Variants in PTPRD observed in about 807,000 individuals in gnomAD.
PTPRD encodes receptor-type tyrosine-protein phosphatase delta.
PTPRD carries 34 observed loss-of-function variants against 214.5 expected under a neutral mutation model. The ratio of observed to expected loss-of-function variants is 0.16; its 90% CI spans 0.12 to 0.21. The LOEUF (loss-of-function observed/expected upper bound fraction) is 0.21. Among genes scored for constraint, PTPRD ranks in the 10% least tolerant of loss-of-function variants. PTPRD has a pLI of 1.00. For missense variants in PTPRD, 2,545 were observed against 2,398.7 expected (o/e 1.06, Z -1.27); for synonymous variants, 1,128 against 845.7 (o/e 1.33, Z -5.79).
At chr9:9,526,093 A>T (rs565338103) in intron 8 of PTPRD, among the ~76,000 whole-genome samples, 1 of 152,318 alleles carries the variant, frequency 6.6e-6, no homozygotes, top group Admixed American at 6.5e-5. Flanking sequence ...TTAAAAAAAA[A>T]TACATTATAC....
intron 2 of PTPRD, among the ~76,000 whole-genome samples, chr9:10,446,551 G>C (rs1418999583): frequency 6.8e-6 from 1 of 146,438 alleles, no homozygotes; most frequent in African/African-American, 2.5e-5. Flanking sequence ...ATACACTCTA[G>C]ATTTTAAAAA....
At chr9:10,113,816 T>C (rs1257585195) in intron 3 of PTPRD, among the ~76,000 whole-genome samples, 1 of 152,134 alleles carries the variant, frequency 6.6e-6, no homozygotes, top group African/African-American at 2.4e-5. Context: ...TCTAACAAGC[T>C]CTTAGGTTGT....
chr9:10,233,081 G>T (rs1490905315), intron 3 of PTPRD, among the ~76,000 whole-genome samples: 2 of 152,010 alleles, frequency 1.3e-5, no homozygotes, highest in Non-Finnish European at 2.9e-5. Context: ...GAAATTTGTT[G>T]ATGGTGTTGT....
intron 3 of PTPRD, among the ~76,000 whole-genome samples, chr9:10,138,491 A>G (rs2098958585): frequency 6.6e-6 from 1 of 152,170 alleles, no homozygotes; most frequent in Non-Finnish European, 1.5e-5. Context: ...TAACAGATGT[A>G]CATAGAGCTG....
chr9:10,412,805 C>T (rs185233421), intron 2 of PTPRD, among the ~76,000 whole-genome samples: 2 of 151,844 alleles, frequency 1.3e-5, no homozygotes, highest in African/African-American at 4.8e-5. Flanking sequence ...GTTGCTTCAA[C>T]GTACACAAAT....
intron 11 of PTPRD, among the ~76,000 whole-genome samples, chr9:8,736,254 C>G (rs564428562): frequency 2.0e-4 from 31 of 152,210 alleles, no homozygotes; most frequent in Middle Eastern, 3.4e-3. Flanking sequence ...ATAATTGTAC[C>G]TATAGAACCC....
rs60391748 is a variant in PTPRD at position 8,745,784 on chromosome 9, T to TTCTC, written c.-103-11842_-103-11839dup. Among the ~76,000 whole-genome samples the TTCTC allele has an allele frequency of 6.6e-3, 978 of 148,818 alleles. 12 individuals are homozygous for TTCTC. Among genetic ancestry groups the TTCTC allele is most frequent in the African/African-American group, 0.022 (889 of 40,376 alleles). ...ACCATCAAGTTCTATTTTATGGAGT[T>TTCTC]TCTCTCTCTCTCTCTCTCTCTCTCT... On this transcript the variant is annotated intron_variant, in intron 11 of 45. Transcript: ENST00000381196.
At chr9:9,326,172 C>T (rs78968047) in intron 9 of PTPRD, among the ~76,000 whole-genome samples, 3,119 of 152,082 alleles carry the variant, frequency 0.021, 104 homozygotes, top group African/African-American at 0.073. Flanking sequence ...GAAAGTGTGA[C>T]TTAATGAAGG....
chr9:10,284,633 T>A (rs1316417196), intron 3 of PTPRD, among the ~76,000 whole-genome samples: 6 of 152,206 alleles, frequency 3.9e-5, no homozygotes, highest in Non-Finnish European at 8.8e-5. Flanking sequence ...GTTTCTTTGT[T>A]CAGGTTCTCA....
rs150929654 is a variant in PTPRD, at chr9:9,532,990, T to A, written c.-237+41742A>T. 3.3e-5 allele frequency among the ~76,000 whole-genome samples: 5 copies of A among 152,304 alleles called. No homozygotes were observed. The East Asian group carries it at 9.7e-4, about 29-fold the overall frequency. On this transcript the variant is annotated intron_variant, in intron 8 of 45. Coordinates refer to ENST00000381196, the MANE Select transcript of PTPRD (RefSeq NM_002839.4). ...CATCAAATAATAGTGAAGAATTCAG[T>A]GAAGACAGTGCAGAAGAAGTTTACA...
intron 12 of PTPRD, among the ~76,000 whole-genome samples, chr9:8,710,744 A>G (rs1174752915): frequency 6.6e-6 from 1 of 152,200 alleles, no homozygotes; most frequent in Non-Finnish European, 1.5e-5. Context: ...AGAAATAATA[A>G]TTAGTATAAT....
chr9:8,433,036 C>T (rs372505259), intron 35 of PTPRD, among the ~76,000 whole-genome samples: 35 of 152,270 alleles, frequency 2.3e-4, no homozygotes, highest in African/African-American at 7.9e-4. Flanking sequence ...TAAAAGAGGC[C>T]AGTTATTGCA....
At chr9:8,601,474 C>A (rs1376359900) in intron 14 of PTPRD, among the ~76,000 whole-genome samples, 4 of 152,118 alleles carry the variant, frequency 2.6e-5, no homozygotes, top group Non-Finnish European at 2.9e-5. Flanking sequence ...ACAGCATAGT[C>A]CCAGTGGTGA....
intron 4 of PTPRD, among the ~76,000 whole-genome samples, chr9:9,945,836 T>C (rs1267188282): frequency 6.6e-6 from 1 of 152,020 alleles, no homozygotes; most frequent in African/African-American, 2.4e-5. Context: ...ATAATCAAAA[T>C]AAGTTAAAAA....
At chr9:8,928,964 G>C (rs1426286856) in intron 11 of PTPRD, among the ~76,000 whole-genome samples, 2 of 152,098 alleles carry the variant, frequency 1.3e-5, no homozygotes, top group African/African-American at 4.8e-5. Flanking sequence ...TTGTGAATGA[G>C]AGTTCACTCA....
intron 5 of PTPRD, among the ~76,000 whole-genome samples, chr9:9,796,494 C>G (rs1167297039): frequency 1.3e-5 from 2 of 152,080 alleles, no homozygotes; most frequent in East Asian, 1.9e-4. Context: ...AGAAACTAAG[C>G]ATTTGCTGAC....
chr9:9,126,934 C>T (rs2099834771), intron 10 of PTPRD, among the ~76,000 whole-genome samples: 1 of 151,894 alleles, frequency 6.6e-6, no homozygotes, highest in African/African-American at 2.4e-5. Context: ...CATCTAAGAG[C>T]ACAAGGAACA....
At chr9:9,630,917 G>A (rs1160366903) in intron 7 of PTPRD, among the ~76,000 whole-genome samples, 4 of 152,058 alleles carry the variant, frequency 2.6e-5, no homozygotes, top group Non-Finnish European at 5.9e-5. Context: ...GAATTAAATT[G>A]TAGTACATTA....
intron 9 of PTPRD, among the ~76,000 whole-genome samples, chr9:9,369,536 A>G (rs1314840798): frequency 6.6e-6 from 1 of 152,062 alleles, no homozygotes; most frequent in Non-Finnish European, 1.5e-5. Context: ...GTAGATTGCA[A>G]ACATTTTCTC....
Sources: gnomAD v4.1 joint callset for allele counts (sites outside exome capture counted in the v4.1 genomes callset) on GRCh38, gnomAD v4.1.1 for gene constraint, MANE v1.5 for transcripts, NCBI Gene and HGNC (gene_info 2026-07-23, HGNC 2026-07-21) for gene names.